ERCC6L2: variants seen among roughly 807,000 people sequenced by gnomAD.
The protein encoded by ERCC6L2 is DNA excision repair protein ERCC-6-like 2.
A neutral mutation model predicts 132.0 loss-of-function variants in ERCC6L2; 77 were observed. The ratio of observed to expected loss-of-function variants is 0.58; its 90% confidence interval spans 0.49 to 0.71. The LOEUF is 0.71. Ranked by LOEUF, ERCC6L2 falls within the 30% of genes least tolerant of loss-of-function variation. The pLI, the probability that ERCC6L2 is intolerant of heterozygous loss-of-function variation, is 0.00. For synonymous variants in ERCC6L2, 583 were observed against 632.4 expected, an observed-to-expected ratio of 0.92 and a Z score of 1.17; for missense variants, 1,542 against 1,837.6, an observed-to-expected ratio of 0.84 and a Z score of 2.94.
intron 4 of ERCC6L2, among the ~76,000 whole-genome samples, chr9:95,912,547 G>A (rs1829391246): frequency 6.6e-6 from 1 of 152,104 alleles, no homozygotes. Context: ...TTTTAGCATG[G>A]ATTTCCTAAA....
chr9:95,946,298 G>A (rs1453288840), intron 12 of ERCC6L2, among the ~76,000 whole-genome samples: 1 of 152,140 alleles, frequency 6.6e-6, no homozygotes, highest in African/African-American at 2.4e-5. Flanking sequence ...GGAGGCCAAC[G>A]TGGGCGGATC....
chr9:96,037,593 G>A (rs73654820), intron 19 of ERCC6L2, among the ~76,000 whole-genome samples: 8,084 of 152,254 alleles, frequency 0.053, 734 homozygotes, highest in African/African-American at 0.19. Flanking sequence ...TACAGTCGGG[G>A]AGGGCATGGA....
chr9:95,959,950 C>G lies in ERCC6L2; in HGVS notation c.1947+3937C>G, dbSNP rs371668670. 1.4e-4 allele frequency among the ~76,000 whole-genome samples: 21 copies of G among 151,988 alleles called. 1 individual carries two copies. The East Asian group carries it at 3.7e-3, about 27-fold the overall frequency. ...ATTCCAAGTTTAGAGTCAGCAGATA[C>G]TAAAAAAGAAGGGAGCCTTAGGGTA... is the stretch of plus-strand genomic sequence containing the variant. On this transcript the variant is annotated intron_variant, in intron 13 of 18. Coordinates refer to ENST00000653738, the MANE Select transcript of ERCC6L2 (RefSeq NM_020207.7).
Position 95,876,017 on chromosome 9 carries a change from C to G in ERCC6L2, c.-22C>G, listed in dbSNP as rs750367352. 2 of 1,579,806 alleles carry G rather than the reference C, an allele frequency of 1.3e-6. No individual in the cohort carries two copies. Among genetic ancestry groups the G allele is most frequent in the South Asian group, 2.3e-5 (2 of 86,400 alleles). On this transcript the variant is annotated 5_prime_UTR_variant, in exon 1 of 19. Transcript: ENST00000653738. Reference sequence around the variant, plus strand: ...CTTCCGGGTGTTACATGCAGCCGGGCTCGGCCCCTCCCCCTGGCCGGATGG... The same window carrying G: ...CTTCCGGGTGTTACATGCAGCCGGGGTCGGCCCCTCCCCCTGGCCGGATGG...
At position 96,036,927 on chromosome 9, in the gene ERCC6L2, C is replaced by T. The variant is rs561780805; in HGVS notation, c.*1504-1949C>T. ...GACTACAGGCGCCCGCCACTACGCCCGGCTAATTTTTTGTATTTTTAGTAG... is the reference window on the plus strand; with the variant it reads ...GACTACAGGCGCCCGCCACTACGCCTGGCTAATTTTTTGTATTTTTAGTAG... On this transcript the variant is annotated intron_variant and NMD_transcript_variant, in intron 19 of 20. Transcript: ENST00000670016. Among the ~76,000 whole-genome samples the T allele has an allele frequency of 2.1e-4, 32 of 150,660 alleles. No individual in the cohort carries two copies. In the South Asian group the frequency reaches 3.4e-3, roughly 16 times the overall value.
At chr9:95,937,100 G>T (rs1195272124) in intron 11 of ERCC6L2, among the ~76,000 whole-genome samples, 2 of 152,116 alleles carry the variant, frequency 1.3e-5, no homozygotes, top group African/African-American at 4.8e-5. Context: ...ACAGACTTTT[G>T]TTTGAACATT....
At chr9:96,004,467 C>A in intron 17 of ERCC6L2, 53 bp from the exon 18 acceptor site, 2 of 1,045,140 alleles carry the variant, frequency 1.9e-6, no homozygotes, top group Non-Finnish European at 2.6e-6. Context: ...CATTATTTGA[C>A]CAACAATGAC....
In ERCC6L2 at chr9:95,922,318, G is replaced by A; in HGVS notation, c.1313G>A (p.Gly438Asp). The A allele has an allele frequency of 3.1e-6, 5 of 1,607,858 alleles. No individual in the cohort carries two copies. The highest frequency in any genetic ancestry group is 4.3e-6 in the Non-Finnish European group (5 of 1,174,958). Reference sequence around the variant, plus strand: ...TTCTGGTTACAGACCAATTCTCATGGTGAAACAGTGAAAACCTTGTATCTC... The same window carrying A: ...TTCTGGTTACAGACCAATTCTCATGATGAAACAGTGAAAACCTTGTATCTC... ...RNCCYKTNSHGETVKTLYLSY... is the reference protein window; with the variant it reads ...RNCCYKTNSHDETVKTLYLSY... The change falls in exon 8 of 19, where the codon GGT becomes GAT. Residue 438 changes from glycine (G) to aspartate (D), a missense_variant. Physicochemically the swap from Gly to Asp is moderately conservative, Grantham distance 94. This residue lies in a region of ERCC6L2 where 945 missense variants were observed against 1,105.2 expected (regional missense o/e 0.86). Coordinates refer to ENST00000653738, the MANE Select transcript of ERCC6L2 (RefSeq NM_020207.7).
At chr9:96,011,312 A>G (rs1834020293) in intron 18 of ERCC6L2, among the ~76,000 whole-genome samples, 1 of 152,196 alleles carries the variant, frequency 6.6e-6, no homozygotes. Flanking sequence ...GTTCTCTGGC[A>G]TCTCTTCTAA....
At chr9:96,022,988 C>T (rs374440908), downstream of ERCC6L2, among the ~76,000 whole-genome samples, 2 of 152,338 alleles carry the variant, frequency 1.3e-5, no homozygotes, top group East Asian at 3.9e-4. Context: ...TGGCCACTTC[C>T]TTTACATGTG....
intron 17 of ERCC6L2, among the ~76,000 whole-genome samples, chr9:95,979,662 A>T (rs1295974139): frequency 6.6e-6 from 1 of 152,222 alleles, no homozygotes; most frequent in Admixed American, 6.5e-5. Flanking sequence ...TCGTGAAAGC[A>T]TTCTTTCATG....
At position 95,972,587 on chromosome 9, in the gene ERCC6L2, C is replaced by A. The variant is rs1290453614; in HGVS notation, c.2836C>A (p.Arg946=). ...AAAAACAAGAAATAATGATAATAGT[C>A]GAAACACTGATGACAAAAGAAATGG... is the stretch of plus-strand genomic sequence containing the variant. ...TVKTRNNDNS[R]NTDDKRNGII... The change falls in exon 16 of 19, where the codon CGA becomes AGA. Residue 946 remains arginine (R), a synonymous_variant. Transcript: ENST00000653738. 9 of 1,289,096 alleles carry A rather than the reference C, an allele frequency of 7.0e-6. No individual in the cohort carries two copies. Among genetic ancestry groups the A allele is most frequent in the Non-Finnish European group, 9.1e-6 (9 of 988,664 alleles). 79.9% of individuals were successfully genotyped at this position (1,289,096 alleles called of 1,614,324 possible). A position where few individuals can be genotyped will look rare whatever the true frequency, so the allele number is the denominator to read the frequency against.
intron 15 of ERCC6L2, 118 bp from the exon 16 acceptor site, chr9:95,971,815 G>T: frequency 2.5e-6 from 1 of 398,596 alleles, no homozygotes; most frequent in Non-Finnish European, 4.1e-6. Context: ...TGTACTTTTA[G>T]AAAATATTAA....
At chr9:95,880,755 A>G in intron 1 of ERCC6L2, 114 bp from the exon 2 acceptor site, 1 of 820,080 alleles carries the variant, frequency 1.2e-6, no homozygotes. Context: ...ATCTTGTTCC[A>G]GTTTTTTGGA....
intron 12 of ERCC6L2, among the ~76,000 whole-genome samples, chr9:95,950,212 A>G (rs558418429): frequency 6.6e-6 from 1 of 152,310 alleles, no homozygotes; most frequent in South Asian, 2.1e-4. Flanking sequence ...ACACATGCAT[A>G]AAATAATTAT....
At chr9:95,898,622 T>C (rs1828591647) in intron 3 of ERCC6L2, among the ~76,000 whole-genome samples, 1 of 152,136 alleles carries the variant, frequency 6.6e-6, no homozygotes, top group African/African-American at 2.4e-5. Context: ...TAAAAAAGTA[T>C]ATTATACTTA....
At chr9:96,035,857 G>A (rs1266227468) in intron 19 of ERCC6L2, among the ~76,000 whole-genome samples, 1 of 152,180 alleles carries the variant, frequency 6.6e-6, no homozygotes, top group Non-Finnish European at 1.5e-5. Flanking sequence ...GAGTGGAGCA[G>A]CAAACCAGTG....
intron 19 of ERCC6L2, among the ~76,000 whole-genome samples, chr9:96,038,113 C>A (rs73654821): frequency 1.3e-5 from 2 of 151,708 alleles, no homozygotes; most frequent in African/African-American, 4.8e-5. Context: ...CCCTGAAGGG[C>A]GGGTGTGAAG....
In ERCC6L2 at chr9:95,974,000, C is replaced by G. The variant is rs563563854; in HGVS notation, c.3337+912C>G. Among the ~76,000 whole-genome samples the G allele has an allele frequency of 3.3e-5, 5 of 152,190 alleles. No homozygotes were observed. The South Asian group carries it at 1.0e-3, about 32-fold the overall frequency. The stretch of plus-strand genomic sequence containing the variant: ...TTACCTGCAAAAGAGCAGTTGGTTC[C>G]TGAGACTGGATCAGACTCAGGTTCA... On this transcript the variant is annotated intron_variant, in intron 16 of 18. Transcript: ENST00000653738.
Sources: allele counts gnomAD v4.1 joint callset (sites outside exome capture counted in the v4.1 genomes callset), GRCh38; gene constraint gnomAD v4.1.1; regional missense constraint gnomAD v4.1.1; transcripts MANE v1.5; gene names NCBI Gene and HGNC (gene_info 2026-07-23, HGNC 2026-07-21).